Variants in ARMC6 observed in about 807,000 individuals in gnomAD.
The protein encoded by ARMC6 is armadillo repeat-containing protein 6.
Under a neutral mutation model 49.2 loss-of-function variants are expected in ARMC6, and 43 were observed. The observed-to-expected ratio is 0.87, with a 90% CI of 0.69 to 1.13. The LOEUF (loss-of-function observed/expected upper bound fraction) is 1.13. Among genes scored for constraint, ARMC6 ranks in the 50% most tolerant of loss-of-function variants. The probability of loss-of-function intolerance (pLI) is 0.00; values close to 1 mark genes in which losing one functional copy is unlikely to be tolerated. For synonymous variants in ARMC6, 262 were observed against 289.6 expected (o/e 0.90, Z 0.97); for missense variants, 627 against 682.0 (o/e 0.92, Z 0.90).
intron 1 of ARMC6, 85 bp downstream of exon 1, chr19:19,034,015 T>C: frequency 1.8e-6 from 1 of 553,748 alleles, no homozygotes; most frequent in South Asian, 2.1e-5. Context: ...GACCCTCGGG[T>C]ACGTGGTTTG....
chr19:19,057,528 G>T lies in ARMC6; in HGVS notation c.1406G>T (p.Arg469Leu). The T allele has an allele frequency of 6.2e-7, 1 of 1,613,992 alleles. No homozygotes were observed. Among genetic ancestry groups the T allele is most frequent in the Non-Finnish European group, 8.5e-7 (1 of 1,180,020 alleles). The change falls in exon 9 of 9, where the codon CGT becomes CTT. Residue 469 changes from arginine to leucine, a missense_variant. Arg to Leu is a moderately radical substitution (Grantham distance 102). Coordinates refer to ENST00000535612, the MANE Select transcript of ARMC6 (RefSeq NM_001199196.2). ...ALIMQARSAH[R>L]DCEDVAKAAL... ...ATCATGCAGGCCCGATCTGCCCACC[G>T]TGACTGTGAGGACGTGGCCAAGGCC... is the stretch of plus-strand genomic sequence containing the variant.
At chr19:19,051,252 C>G (rs1023748352) in intron 4 of ARMC6, among the ~76,000 whole-genome samples, 11 of 152,148 alleles carry the variant, frequency 7.2e-5, no homozygotes, top group South Asian at 2.1e-4. Context: ...CTGGATGGTT[C>G]TTCTGCTGGT....
At chr19:19,056,015 C>A in intron 8 of ARMC6, 87 bp downstream of exon 8, 1 of 1,445,652 alleles carries the variant, frequency 6.9e-7, no homozygotes, top group Non-Finnish European at 9.3e-7. Context: ...GTGCGGTGTG[C>A]GGGTGGGTGA....
rs564011426 is a variant in ARMC6 at position 19,054,306 on chromosome 19, C to A, written c.1008C>A (p.Asp336Glu). ...ACTGCAATGACCACCAGATGAGGGA[C>A]CAGAGCGGCGTTCAGGTATGAAGTC... ...LADCNDHQMR[D>E]QSGVQELVKQ... Residue 336 changes from aspartate to glutamate, a missense_variant, in exon 6 of 9, where the codon GAC becomes GAA. Physicochemically the swap from Asp to Glu is conservative, Grantham distance 45. Transcript: ENST00000535612. The A allele has an allele frequency of 6.3e-6, 10 of 1,590,340 alleles. No individual in the cohort carries two copies. In the South Asian group the frequency reaches 6.8e-5, roughly 11 times the overall value.
chr19:19,047,112 C>G (rs1014825870), intron 4 of ARMC6, among the ~76,000 whole-genome samples: 2 of 151,816 alleles, frequency 1.3e-5, no homozygotes, highest in Non-Finnish European at 2.9e-5. Context: ...TGCCACCATG[C>G]CTGGCTAATT....
intron 4 of ARMC6, among the ~76,000 whole-genome samples, chr19:19,045,549 G>A (rs540351946): frequency 1.1e-3 from 134 of 127,332 alleles, no homozygotes; most frequent in Non-Finnish European, 1.8e-3. Flanking sequence ...GTACACTGGC[G>A]CAGTCTTGGC....
At chr19:19,047,119 A>C (rs2059458434) in intron 4 of ARMC6, among the ~76,000 whole-genome samples, 1 of 151,690 alleles carries the variant, frequency 6.6e-6, no homozygotes, top group Non-Finnish European at 1.5e-5. Flanking sequence ...ATGCCTGGCT[A>C]ATTTTAAATT....
intron 5 of ARMC6, 104 bp from the exon 6 acceptor site, chr19:19,054,048 G>T: frequency 8.1e-7 from 1 of 1,237,146 alleles, no homozygotes; most frequent in Non-Finnish European, 1.1e-6. Flanking sequence ...ACTCCAATAG[G>T]CAGAAGGGCT....
intron 2 of ARMC6, among the ~76,000 whole-genome samples, chr19:19,039,031 A>G (rs1242392944): frequency 1.3e-5 from 2 of 152,182 alleles, no homozygotes; most frequent in Non-Finnish European, 2.9e-5. Context: ...CTGAGATTAC[A>G]GGCACAAGTC....
chr19:19,039,021 C>T (rs548865159), intron 2 of ARMC6, among the ~76,000 whole-genome samples: 3 of 152,214 alleles, frequency 2.0e-5, no homozygotes, highest in East Asian at 3.9e-4. Context: ...TCCCAAGTTG[C>T]TGAGATTACA....
At position 19,055,913 on chromosome 19, in the gene ARMC6, G is replaced by A. The variant is rs765584331; in HGVS notation, c.1278G>A (p.Gln426=). ...AALQAMKAHP[Q]KAGVQKQACM... ...TGCAGGCCATGAAGGCACACCCGCA[G>A]AAGGCCGGCGTGCAGGTGGGCAGGG... The change falls in exon 8 of 9, where the codon CAG becomes CAA. Residue 426 remains glutamine (Q), a synonymous_variant. Coordinates refer to ENST00000535612, the MANE Select transcript of ARMC6 (RefSeq NM_001199196.2). The surrounding 1 kb of genome is among the most constrained non-coding windows in gnomAD (Gnocchi z 5.7). The A allele has an allele frequency of 8.7e-6, 14 of 1,610,674 alleles. No homozygotes were observed. In the South Asian group the frequency reaches 1.1e-4, roughly 13 times the overall value.
At chr19:19,051,265 C>T (rs570242361) in intron 4 of ARMC6, among the ~76,000 whole-genome samples, 3 of 152,232 alleles carry the variant, frequency 2.0e-5, no homozygotes, top group Non-Finnish European at 2.9e-5. Context: ...CTGCTGGTAT[C>T]GCTTGGGGCC....
rs922769519 is a variant in ARMC6, at chr19:19,051,547, G to A, written c.280-75G>A. The A allele has an allele frequency of 1.1e-5, 15 of 1,371,058 alleles. No homozygotes were observed. In the African/African-American group the frequency reaches 2.2e-4, roughly 20 times the overall value. 84.9% of individuals were successfully genotyped at this position (1,371,058 alleles called of 1,614,324 possible). Reference sequence around the variant, plus strand: ...ATCCCAGGGGAGGGAACCTTGCAGGGGTCCAGACACTGTTGCTGTGGCCAT... The same window carrying A: ...ATCCCAGGGGAGGGAACCTTGCAGGAGTCCAGACACTGTTGCTGTGGCCAT... On this transcript the variant is annotated intron_variant, in intron 4 of 8. Coordinates refer to ENST00000535612, the MANE Select transcript of ARMC6 (RefSeq NM_001199196.2).
intron 4 of ARMC6, among the ~76,000 whole-genome samples, chr19:19,046,927 G>GTTTTTTTTTTTTTTTTTTTTTTTTTTT (rs386388691): frequency 3.3e-3 from 340 of 104,270 alleles, no homozygotes; most frequent in Middle Eastern, 0.014. Context: ...ATGCTCACCT[G>GTTTTTTTTTTTTTTTTTTTTTTTTTTT]TTTTTTTTTT....
rs756839500 is a variant in ARMC6, at chr19:19,052,022, G to T, written c.680G>T (p.Gly227Val). 6.2e-7 allele frequency: 1 copy of T among 1,613,924 alleles called. No individual in the cohort carries two copies. Among genetic ancestry groups the T allele is most frequent in the Non-Finnish European group, 8.5e-7 (1 of 1,180,062 alleles). The change falls in exon 5 of 9, where the codon GGT (glycine) becomes GTT (valine). Residue 227 changes from glycine (G) to valine (V), a missense_variant. Coordinates refer to ENST00000535612, the MANE Select transcript of ARMC6 (RefSeq NM_001199196.2). Reference protein sequence around the residue: ...VKAGVLPLLTGAITHHGHHTD... With the variant: ...VKAGVLPLLTVAITHHGHHTD... ...GCTGGCGTGCTGCCTCTGCTGACTG[G>T]TGCCATCACCCATCATGGCCACCAC...
intron 2 of ARMC6, among the ~76,000 whole-genome samples, chr19:19,035,436 C>T (rs1197909980): frequency 6.6e-6 from 1 of 152,244 alleles, no homozygotes; most frequent in Non-Finnish European, 1.5e-5. Context: ...ATGCTGCTTC[C>T]CCCTTTTAGC....
intron 2 of ARMC6, among the ~76,000 whole-genome samples, chr19:19,042,016 C>T (rs1445047543): frequency 6.6e-6 from 1 of 152,032 alleles, no homozygotes; most frequent in Non-Finnish European, 1.5e-5. Context: ...ACCTCAGCCT[C>T]CTGAGTAGTT....
chr19:19,049,451 T>C (rs911057167), intron 4 of ARMC6, among the ~76,000 whole-genome samples: 10 of 152,174 alleles, frequency 6.6e-5, no homozygotes, highest in Non-Finnish European at 1.3e-4. Context: ...CTCAAAGGCA[T>C]TTCTGTCAGG....
chr19:19,040,868 T>C (rs996377956), intron 2 of ARMC6: 22 of 318,212 alleles, frequency 6.9e-5, no homozygotes, highest in African/African-American at 4.3e-4. Context: ...TTGTCTCATC[T>C]GTAGCTACCA....
Sources: gnomAD v4.1 joint callset for allele counts (sites outside exome capture counted in the v4.1 genomes callset) on GRCh38, gnomAD v4.1.1 for gene constraint, Gnocchi (gnomAD v3.1) non-coding constraint, MANE v1.5 for transcripts, NCBI Gene and HGNC (gene_info 2026-07-23, HGNC 2026-07-21) for gene names.